The following EDIL3 variants were observed in gnomAD, a reference collection of about 807,000 sequenced individuals.
EDIL3 encodes the protein EGF like and discoidin domains 3.
Under a neutral mutation model 67.4 loss-of-function variants are expected in EDIL3, and 37 were observed. The ratio of observed to expected loss-of-function variants is 0.55; its 90% confidence interval spans 0.42 to 0.72. The LOEUF (loss-of-function observed/expected upper bound fraction) is 0.72, where lower values mean the gene tolerates loss of function less well. EDIL3 is among the 30% of genes least tolerant of loss of function. The pLI, the probability that EDIL3 is intolerant of heterozygous loss-of-function variation, is 0.00. For missense variants in EDIL3, 527 were observed against 586.3 expected (o/e 0.90, Z 1.04); for synonymous variants, 195 against 196.3 (o/e 0.99, Z 0.05).
At chr5:84,311,459 T>C (rs925840915) in intron 1 of EDIL3, among the ~76,000 whole-genome samples, 6 of 151,874 alleles carry the variant, frequency 4.0e-5, no homozygotes, top group Admixed American at 3.9e-4. Context: ...TAAACAAAAT[T>C]TAGGAGGGGG....
chr5:84,044,053 C>T (rs111273975), intron 9 of EDIL3, among the ~76,000 whole-genome samples: 13 of 152,234 alleles, frequency 8.5e-5, no homozygotes, highest in African/African-American at 2.9e-4. Context: ...TGCTATCCCT[C>T]TCCTTGACCC....
intron 1 of EDIL3, among the ~76,000 whole-genome samples, chr5:84,339,783 A>G (rs1747062391): frequency 6.6e-6 from 1 of 152,056 alleles, no homozygotes; most frequent in African/African-American, 2.4e-5. Flanking sequence ...TAACTCTAAC[A>G]CTAGAAGATA....
At chr5:84,221,640 G>T (rs1362737529) in intron 3 of EDIL3, among the ~76,000 whole-genome samples, 4 of 151,970 alleles carry the variant, frequency 2.6e-5, no homozygotes, top group South Asian at 4.1e-4. Context: ...ATCTTTAGAA[G>T]CAGTGATTGT....
At chr5:84,235,887 C>T (rs1035670784) in intron 2 of EDIL3, among the ~76,000 whole-genome samples, 2 of 151,866 alleles carry the variant, frequency 1.3e-5, no homozygotes, top group South Asian at 2.1e-4. Context: ...ACAATGGTTG[C>T]TCTAAAGACC....
intron 6 of EDIL3, among the ~76,000 whole-genome samples, chr5:84,085,047 A>G (rs538764599): frequency 9.6e-4 from 146 of 151,956 alleles, no homozygotes; most frequent in African/African-American, 3.5e-3. Context: ...TTTAAAAATC[A>G]TATGAGTCTT....
intron 3 of EDIL3, among the ~76,000 whole-genome samples, chr5:84,189,650 C>A (rs553821978): frequency 6.6e-6 from 1 of 152,124 alleles, no homozygotes; most frequent in African/African-American, 2.4e-5. Flanking sequence ...GCTGCGAAAA[C>A]AACCTCCTTA....
At chr5:84,372,278 A>T (rs932451015) in intron 1 of EDIL3, among the ~76,000 whole-genome samples, 4 of 152,310 alleles carry the variant, frequency 2.6e-5, no homozygotes, top group Non-Finnish European at 5.9e-5. Flanking sequence ...GAAACTAAAA[A>T]AGAAACATTA....
At chr5:84,318,880 T>C (rs1746567555) in intron 1 of EDIL3, among the ~76,000 whole-genome samples, 2 of 151,938 alleles carry the variant, frequency 1.3e-5, no homozygotes, top group East Asian at 3.9e-4. Context: ...AACCTACAGA[T>C]TGGGAGAAAA....
chr5:84,320,067 G>C (rs1461761611), intron 1 of EDIL3, among the ~76,000 whole-genome samples: 2 of 152,016 alleles, frequency 1.3e-5, no homozygotes, highest in African/African-American at 2.4e-5. Context: ...GAGTTGATGG[G>C]TGCAGCAAAC....
At chr5:84,277,026 A>G (rs1745596373) in intron 1 of EDIL3, among the ~76,000 whole-genome samples, 2 of 152,178 alleles carry the variant, frequency 1.3e-5, no homozygotes, top group Non-Finnish European at 2.9e-5. Context: ...TTATTCTGTA[A>G]TCTTAGCCCC....
chr5:84,240,678 G>A lies in EDIL3; in HGVS notation c.197-10794C>T, dbSNP rs531383821. Among the ~76,000 whole-genome samples the A allele has an allele frequency of 3.3e-5, 5 of 152,076 alleles. No individual in the cohort carries two copies. The East Asian group carries it at 5.8e-4, about 18-fold the overall frequency. On this transcript the variant is annotated intron_variant, in intron 2 of 10. Coordinates refer to ENST00000296591, the MANE Select transcript of EDIL3 (RefSeq NM_005711.5). ...ATCCTGAAACTATTCCCCAACCACCGGTCCATGGAAAAAATTGTCTTCCAC... is the reference window on the plus strand; with the variant it reads ...ATCCTGAAACTATTCCCCAACCACCAGTCCATGGAAAAAATTGTCTTCCAC...
At chr5:83,980,321 C>T (rs142771451) in intron 9 of EDIL3, among the ~76,000 whole-genome samples, 1,884 of 151,098 alleles carry the variant, frequency 0.012, 19 homozygotes, top group African/African-American at 0.028. Context: ...TACTATAAAA[C>T]GGCAACAGAA....
intron 4 of EDIL3, among the ~76,000 whole-genome samples, chr5:84,174,054 T>C (rs775521496): frequency 2.6e-5 from 4 of 152,056 alleles, no homozygotes; most frequent in Non-Finnish European, 4.4e-5. Context: ...AGGAGACAGA[T>C]GAGGGGCCCA....
intron 9 of EDIL3, among the ~76,000 whole-genome samples, chr5:84,055,861 G>GGGAC (rs1321882900): frequency 6.6e-6 from 1 of 152,186 alleles, no homozygotes; most frequent in Non-Finnish European, 1.5e-5. Context: ...CACTGTTGGT[G>GGGAC]GGACTGTAAA....
At chr5:84,237,031 G>A (rs1282020487) in intron 2 of EDIL3, among the ~76,000 whole-genome samples, 2 of 151,968 alleles carry the variant, frequency 1.3e-5, no homozygotes, top group Non-Finnish European at 2.9e-5. Flanking sequence ...AAGCCATGAA[G>A]CCGAGGCTAC....
chr5:84,349,876 AATAG>A (rs1747319323), intron 1 of EDIL3, among the ~76,000 whole-genome samples: 1 of 152,200 alleles, frequency 6.6e-6, no homozygotes, highest in Admixed American at 6.5e-5. Flanking sequence ...TTAACTTAAA[AATAG>A]ATAGGTAATT....
At position 84,090,435 on chromosome 5, in the gene EDIL3, C is replaced by T. The variant is rs143664675; in HGVS notation, c.651+16214G>A. 5.0e-3 allele frequency among the ~76,000 whole-genome samples: 762 copies of T among 152,188 alleles called. 7 individuals are homozygous for T. Among genetic ancestry groups the T allele is most frequent in the Middle Eastern group, 0.031 (9 of 294 alleles). On this transcript the variant is annotated intron_variant, in intron 6 of 10. Transcript: ENST00000296591. ...TTTTGCTAGACTATGAGTTCCATCA[C>T]GGTAGTGATTTCTACATTTTCTCGG...
intron 5 of EDIL3, among the ~76,000 whole-genome samples, chr5:84,132,411 C>T (rs181773311): frequency 0.24 from 14,982 of 62,096 alleles, 3,628 homozygotes; most frequent in African/African-American, 0.45. Context: ...TATATTTTAA[C>T]ATATATTATA....
At chr5:84,170,146 T>C (rs1748788485) in intron 4 of EDIL3, among the ~76,000 whole-genome samples, 1 of 152,146 alleles carries the variant, frequency 6.6e-6, no homozygotes. Flanking sequence ...ACAGGAGAAA[T>C]GATATTGCAA....
Sources: gnomAD v4.1 joint callset for allele counts (sites outside exome capture counted in the v4.1 genomes callset) on GRCh38, gnomAD v4.1.1 for gene constraint, MANE v1.5 for transcripts, NCBI Gene and HGNC (gene_info 2026-07-23, HGNC 2026-07-21) for gene names.